The following SLC12A1 variants were observed in gnomAD, a reference collection of about 807,000 sequenced individuals.
SLC12A1 encodes solute carrier family 12 member 1.
SLC12A1 carries 89 observed loss-of-function variants against 130.4 expected under a neutral mutation model. The observed-to-expected ratio is 0.68, with a 90% CI of 0.58 to 0.81. The LOEUF (loss-of-function observed/expected upper bound fraction) is 0.81, where lower values mean the gene tolerates loss of function less well. Among genes scored for constraint, SLC12A1 ranks in the 40% least tolerant of loss-of-function variants. SLC12A1 has a pLI of 0.00. For missense variants in SLC12A1, 1,310 were observed against 1,336.4 expected (o/e 0.98, Z 0.31); for synonymous variants, 499 against 460.0 (o/e 1.08, Z -1.09).
chr15:48,271,571 A>T (rs180858715), intron 19 of SLC12A1, among the ~76,000 whole-genome samples: 19 of 152,324 alleles, frequency 1.2e-4, no homozygotes, highest in African/African-American at 4.1e-4. Context: ...ACTGAAAGGA[A>T]GCATAAGAAA....
intron 2 of SLC12A1, among the ~76,000 whole-genome samples, chr15:48,219,803 A>G (rs1020746438): frequency 1.3e-5 from 2 of 152,040 alleles, no homozygotes; most frequent in African/African-American, 4.8e-5. Flanking sequence ...CTCTAATCCT[A>G]GCACTTTGGG....
At chr15:48,208,198 T>C in intron 2 of SLC12A1, 59 bp downstream of exon 2, 1 of 1,460,510 alleles carries the variant, frequency 6.8e-7, no homozygotes. Flanking sequence ...GATAATTTCC[T>C]TCTCTTTCAT....
Position 48,259,264 on chromosome 15 carries a change from G to T in SLC12A1, c.2107G>T (p.Ala703Ser). 6.2e-7 allele frequency: 1 copy of T among 1,613,832 alleles called. No individual in the cohort carries two copies. ...TRPALLDITHAFTKNSGLCIC... is the reference protein window; with the variant it reads ...TRPALLDITHSFTKNSGLCIC... ...ACCTGCTCTCCTGGACATAACTCAC[G>T]CCTTTACCAAGAACAGTGGCCTTTG... The change falls in exon 17 of 27, where the codon GCC becomes TCC. Residue 703 changes from alanine to serine, a missense_variant. Ala to Ser is a moderately conservative substitution (Grantham distance 99, BLOSUM62 1). Coordinates refer to ENST00000380993, the MANE Select transcript of SLC12A1 (RefSeq NM_000338.3).
Position 48,299,321 on chromosome 15 carries a change from G to T in SLC12A1, c.3096+46G>T, listed in dbSNP as rs1227172658. 9 of 1,478,276 alleles carry T rather than the reference G, an allele frequency of 6.1e-6. No homozygotes were observed. In the Admixed American group the frequency reaches 1.4e-4, roughly 22 times the overall value. The allele number at this position is 1,478,276 out of a possible 1,614,324, so 91.6% of individuals were successfully genotyped here. A position where few individuals can be genotyped will look rare whatever the true frequency, so the allele number is the denominator to read the frequency against. On this transcript the variant is annotated intron_variant, in intron 25 of 26. Transcript: ENST00000380993. The stretch of plus-strand genomic sequence containing the variant: ...ATTTTTTTGCTGTCTAACTAGCTGA[G>T]AAAGGAAACAGTAGTTGATTTAAAG...
In SLC12A1 at chr15:48,249,619, G is replaced by T. The variant is rs1301527030; in HGVS notation, c.1729G>T (p.Ala577Ser). Residue 577 changes from alanine (A) to serine (S), a missense_variant, in exon 14 of 27, where the codon GCC becomes TCC. Physicochemically the swap from Ala to Ser is moderately conservative, Grantham distance 99. Coordinates refer to ENST00000380993, the MANE Select transcript of SLC12A1 (RefSeq NM_000338.3). ...IAPIISNFFL[A>S]SYALINFSCF... ...TCCCATCATCTCCAACTTTTTCCTG[G>T]CCTCATATGCACTTATTAATTTCTC... The T allele has an allele frequency of 1.2e-6, 2 of 1,613,724 alleles. No individual in the cohort carries two copies. Among genetic ancestry groups the T allele is most frequent in the Admixed American group, 1.7e-5 (1 of 59,996 alleles).
rs751601018 is a variant in SLC12A1, at chr15:48,240,112, C to CAT, written c.1216-1389_1216-1388dup. Among the ~76,000 whole-genome samples, 214 of 74,378 alleles carry CAT rather than the reference C, an allele frequency of 2.9e-3. 8 individuals carry two copies. Among genetic ancestry groups the CAT allele is most frequent in the East Asian group, 0.022 (55 of 2,526 alleles). 48.8% of individuals were successfully genotyped at this position (74,378 alleles called of 152,430 possible). On this transcript the variant is annotated intron_variant, in intron 9 of 26. Coordinates refer to ENST00000380993, the MANE Select transcript of SLC12A1 (RefSeq NM_000338.3). ...ATATCCATATATATATATATATATC[C>CAT]ATATATATATATATAATATGCATAA...
chr15:48,222,279 C>G (rs2041226253), intron 4 of SLC12A1: 1 of 152,066 alleles, frequency 6.6e-6, no homozygotes, highest in Admixed American at 6.6e-5. Flanking sequence ...TAGCCAAGGG[C>G]AAGAGTAATT....
intron 19 of SLC12A1, among the ~76,000 whole-genome samples, chr15:48,273,535 T>C (rs1357305086): frequency 6.6e-6 from 1 of 152,216 alleles, no homozygotes; most frequent in African/African-American, 2.4e-5. Flanking sequence ...TAACATAGAA[T>C]CCAAATTTTT....
At chr15:48,213,782 C>T (rs1030954991) in intron 2 of SLC12A1, among the ~76,000 whole-genome samples, 2 of 152,240 alleles carry the variant, frequency 1.3e-5, no homozygotes, top group African/African-American at 4.8e-5. Flanking sequence ...CTCAACCTCC[C>T]AAAGTGCTGG....
At chr15:48,220,807 A>G (rs746243145) in intron 3 of SLC12A1, 42 bp downstream of exon 3, 3 of 1,613,364 alleles carry the variant, frequency 1.9e-6, no homozygotes, top group Middle Eastern at 1.7e-4. Flanking sequence ...CTATCCATTC[A>G]ATGTTCTAGT....
intron 26 of SLC12A1, among the ~76,000 whole-genome samples, chr15:48,302,526 A>G (rs1007011995): frequency 2.7e-5 from 4 of 147,222 alleles, no homozygotes; most frequent in African/African-American, 5.0e-5. Context: ...AGGCTGAGGC[A>G]GGAGAATGGC....
chr15:48,237,170 C>A (rs2041449261), intron 9 of SLC12A1: 1 of 619,774 alleles, frequency 1.6e-6, no homozygotes, highest in Non-Finnish European at 2.9e-6. Flanking sequence ...GACACTCAAT[C>A]CAGGTTTTGA....
At chr15:48,236,113 AC>A in intron 9 of SLC12A1, among the ~76,000 whole-genome samples, 1 of 151,270 alleles carries the variant, frequency 6.6e-6, no homozygotes, top group East Asian at 2.0e-4. Context: ...ACACACACAC[AC>A]ACACACACAC....
At chr15:48,300,433 G>A (rs1597464487) in intron 25 of SLC12A1, among the ~76,000 whole-genome samples, 1 of 152,136 alleles carries the variant, frequency 6.6e-6, no homozygotes, top group East Asian at 1.9e-4. Flanking sequence ...TTTGGACAGT[G>A]AAGGAAGATA....
In SLC12A1 at chr15:48,251,647, T is replaced by C. The variant is rs765627770; in HGVS notation, c.1819T>C (p.Trp607Arg). 4.3e-6 allele frequency: 7 copies of C among 1,613,692 alleles called. No individual in the cohort carries two copies. The highest frequency in any genetic ancestry group is 5.9e-6 in the Non-Finnish European group (7 of 1,179,750). Residue 607 changes from tryptophan (W) to arginine (R), a missense_variant, in exon 15 of 27, where the codon TGG (tryptophan) becomes CGG (arginine). Coordinates refer to ENST00000380993, the MANE Select transcript of SLC12A1 (RefSeq NM_000338.3). ...WRPAYGIYNM[W>R]VSLFGAVLCC... ...ACCTGCGTATGGAATTTACAACATGTGGGTATCTCTTTTTGGAGCTGTTTT... is the reference window on the plus strand; with the variant it reads ...ACCTGCGTATGGAATTTACAACATGCGGGTATCTCTTTTTGGAGCTGTTTT...
At position 48,227,456 on chromosome 15, in the gene SLC12A1, TG is replaced by T. The variant is rs1252600840; in HGVS notation, c.724+886del. Reference sequence around the variant, plus strand: ...ATTATAGCAAAATATATGGTTTCTTTGTACCTTGGATGAGACCCACTGGCTC... The same window carrying T: ...ATTATAGCAAAATATATGGTTTCTTTTACCTTGGATGAGACCCACTGGCTC... On this transcript the variant is annotated intron_variant, in intron 5 of 26. Transcript: ENST00000380993. The T allele has an allele frequency of 7.7e-5, 31 of 404,330 alleles. No individual in the cohort carries two copies. The Admixed American group carries it at 1.2e-3, about 15-fold the overall frequency. 25.0% of individuals were successfully genotyped at this position (404,330 alleles called of 1,614,324 possible). A position where few individuals can be genotyped will look rare whatever the true frequency, so the allele number is the denominator to read the frequency against.
chr15:48,299,271 A>G lies in SLC12A1; in HGVS notation c.3092A>G (p.Glu1031Gly), dbSNP rs377737901. ...GATGCAGAACTGGAAGCAGTCAAGG[A>G]AAAGGTAAGGATTTGTCTTTCTTAA... Reference protein sequence around the residue: ...ITDAELEAVKEKSYRQVRLNE... With the variant: ...ITDAELEAVKGKSYRQVRLNE... Residue 1031 changes from glutamate (E) to glycine (G), a missense_variant, in exon 25 of 27, where the codon GAA becomes GGA. By Grantham distance (98) the Glu-to-Gly change is moderately conservative (BLOSUM62 -2). Transcript: ENST00000380993. 7 of 1,593,508 alleles carry G rather than the reference A, an allele frequency of 4.4e-6. No individual in the cohort carries two copies. The African/African-American group carries it at 9.5e-5, about 22-fold the overall frequency.
chr15:48,221,587 G>GA (rs1425168898), intron 4 of SLC12A1: 2 of 433,340 alleles, frequency 4.6e-6, no homozygotes, highest in Non-Finnish European at 8.1e-6. Context: ...TTTTCTAAAT[G>GA]AAAAATGGAT....
intron 10 of SLC12A1, among the ~76,000 whole-genome samples, chr15:48,241,805 G>A (rs1436594082): frequency 6.6e-6 from 1 of 152,106 alleles, no homozygotes; most frequent in Admixed American, 6.5e-5. Flanking sequence ...TCTGGGTCAG[G>A]GCTAGAGTAA....
Sources: gnomAD v4.1 joint callset for allele counts (sites outside exome capture counted in the v4.1 genomes callset) on GRCh38, gnomAD v4.1.1 for gene constraint, MANE v1.5 for transcripts, NCBI Gene and HGNC (gene_info 2026-07-23, HGNC 2026-07-21) for gene names.